ESRRG: variants seen among roughly 807,000 people sequenced by gnomAD.
ESRRG encodes estrogen related receptor gamma, also known as estrogen-related receptor gamma.
Under a neutral mutation model 44.0 loss-of-function variants are expected in ESRRG, and 13 were observed. The observed-to-expected ratio is 0.30, with a 90% CI of 0.19 to 0.47. The LOEUF is 0.47. Among genes scored for constraint, ESRRG ranks in the 20% least tolerant of loss-of-function variants. ESRRG has a pLI of 1.00. For synonymous variants in ESRRG, 215 were observed against 214.6 expected (o/e 1.00, Z -0.02); for missense variants, 395 against 580.6 (o/e 0.68, Z 3.29).
At chr1:216,543,547 T>C (rs2053516953) in intron 5 of ESRRG, among the ~76,000 whole-genome samples, 1 of 152,006 alleles carries the variant, frequency 6.6e-6, no homozygotes, top group Non-Finnish European at 1.5e-5. Flanking sequence ...GTTTAATTGT[T>C]GCCTCTTAGA....
intron 2 of ESRRG, among the ~76,000 whole-genome samples, chr1:216,876,066 TA>T (rs2096347254): frequency 6.6e-6 from 1 of 152,194 alleles, no homozygotes; most frequent in Admixed American, 6.5e-5. Context: ...GATTCCCTTC[TA>T]AACTGATAAA....
intron 1 of ESRRG, among the ~76,000 whole-genome samples, chr1:216,989,392 C>T (rs555889944): frequency 2.1e-5 from 3 of 144,614 alleles, no homozygotes; most frequent in African/African-American, 7.8e-5. Context: ...GTGATGTTGC[C>T]ACTGCACTCT....
intron 2 of ESRRG, among the ~76,000 whole-genome samples, chr1:216,829,817 G>T (rs2095457889): frequency 6.6e-6 from 1 of 152,106 alleles, no homozygotes; most frequent in Non-Finnish European, 1.5e-5. Context: ...GCCTCCCAAA[G>T]TGCTGGGATT....
At position 216,912,181 on chromosome 1, in the gene ESRRG, A is replaced by G. The variant is rs867965508; in HGVS notation, c.-14+27401T>C. Among the ~76,000 whole-genome samples the G allele has an allele frequency of 5.9e-3, 94 of 15,954 alleles. 6 individuals are homozygous for G. Among genetic ancestry groups the G allele is most frequent in the East Asian group, 9.8e-3 (5 of 508 alleles). The allele number at this position is 15,954 out of a possible 152,430, so 10.5% of individuals were successfully genotyped here. Reference sequence around the variant, plus strand: ...AAAAGAAAAGAAAAGAAAAGAAAAGAAAAGGAGAGGAGAGGAGAGGAGAGG... The same window carrying G: ...AAAAGAAAAGAAAAGAAAAGAAAAGGAAAGGAGAGGAGAGGAGAGGAGAGG... On this transcript the variant is annotated intron_variant, in intron 2 of 7. Transcript: ENST00000359162.
intron 2 of ESRRG, among the ~76,000 whole-genome samples, chr1:216,850,213 G>C (rs2148969939): frequency 6.6e-6 from 1 of 152,068 alleles, no homozygotes; most frequent in East Asian, 1.9e-4. Flanking sequence ...CACTCCTTTT[G>C]AATTATTTCT....
intron 2 of ESRRG, among the ~76,000 whole-genome samples, chr1:216,819,404 G>A (rs1401955590): frequency 5.3e-5 from 8 of 151,992 alleles, no homozygotes; most frequent in African/African-American, 1.9e-4. Flanking sequence ...TTTTTTAAGC[G>A]ACTTTCTTTT....
intron 1 of ESRRG, among the ~76,000 whole-genome samples, chr1:217,035,002 T>G (rs1236814508): frequency 6.6e-6 from 1 of 152,174 alleles, no homozygotes; most frequent in Non-Finnish European, 1.5e-5. Flanking sequence ...TAATTAAATG[T>G]CAAATCCCCC....
intron 1 of ESRRG, among the ~76,000 whole-genome samples, chr1:217,136,516 AG>A (rs1439265258): frequency 6.6e-6 from 1 of 152,114 alleles, no homozygotes; most frequent in Non-Finnish European, 1.5e-5. Context: ...CTGAGCTGCG[AG>A]ATAGCTCCGT....
intron 3 of ESRRG, among the ~76,000 whole-genome samples, chr1:216,645,766 G>C (rs1474490652): frequency 6.6e-6 from 1 of 150,904 alleles, no homozygotes; most frequent in African/African-American, 2.4e-5. Context: ...CAGCTACTCA[G>C]GAAGCTGAGA....
chr1:216,518,526 A>G (rs1226663690), intron 6 of ESRRG, among the ~76,000 whole-genome samples: 1 of 152,142 alleles, frequency 6.6e-6, no homozygotes, highest in Non-Finnish European at 1.5e-5. Flanking sequence ...TAAGACCATA[A>G]TAAAGCATTA....
At chr1:216,960,641 A>T (rs2818786) in intron 1 of ESRRG, among the ~76,000 whole-genome samples, 78,330 of 151,872 alleles carry the variant, frequency 0.52, 21,927 homozygotes, top group Middle Eastern at 0.7. Flanking sequence ...GCTGGAGTGC[A>T]GTGGTATAAT....
At chr1:217,135,241 C>T (rs920408836) in intron 1 of ESRRG, among the ~76,000 whole-genome samples, 8 of 152,126 alleles carry the variant, frequency 5.3e-5, no homozygotes, top group Admixed American at 5.2e-4. Flanking sequence ...TTTTCCCCCT[C>T]CTCACCCCCT....
chr1:216,764,826 G>A (rs1335502784), intron 2 of ESRRG, among the ~76,000 whole-genome samples: 1 of 152,084 alleles, frequency 6.6e-6, no homozygotes, highest in African/African-American at 2.4e-5. Context: ...TAATTGCAGG[G>A]GTAGGGGAAC....
intron 1 of ESRRG, among the ~76,000 whole-genome samples, chr1:217,103,521 G>T (rs1293529461): frequency 6.6e-6 from 1 of 151,706 alleles, no homozygotes; most frequent in Non-Finnish European, 1.5e-5. Context: ...GCCAAGCATG[G>T]TGGCATGTGC....
chr1:216,514,830 G>A (rs2043724866), intron 6 of ESRRG, among the ~76,000 whole-genome samples: 1 of 152,030 alleles, frequency 6.6e-6, no homozygotes, highest in African/African-American at 2.4e-5. Flanking sequence ...GCTTAAAAAA[G>A]GAAATGTCTA....
chr1:216,798,143 C>A (rs1276137897), intron 2 of ESRRG, among the ~76,000 whole-genome samples: 1 of 151,792 alleles, frequency 6.6e-6, no homozygotes, highest in Non-Finnish European at 1.5e-5. Context: ...TTTCTTTTTT[C>A]TTTTCTTTTC....
intron 2 of ESRRG, among the ~76,000 whole-genome samples, chr1:216,736,408 C>T (rs1264420080): frequency 1.3e-5 from 2 of 151,962 alleles, no homozygotes; most frequent in East Asian, 3.9e-4. Flanking sequence ...TGGTCTCGAT[C>T]TGCGGACCTC....
intron 1 of ESRRG, among the ~76,000 whole-genome samples, chr1:216,969,746 C>G (rs1211045179): frequency 6.6e-6 from 1 of 152,036 alleles, no homozygotes; most frequent in Non-Finnish European, 1.5e-5. Context: ...CCACCATGCC[C>G]GGCTAATTTT....
rs771693345 is a variant in ESRRG at position 216,677,182 on chromosome 1, C to T, written c.366G>A (p.Ser122=). ...PQTKCEYMLN[S]MPKRLCLVCG... ...ACACTAAACACAGTCTCTTGGGCAT[C>T]GAGTTGAGCATGTATTCACACTTGG... The change falls in exon 2 of 7, where the codon TCG becomes TCA. Residue 122 remains serine (S), a synonymous_variant. Transcript: ENST00000408911. 72 of 1,613,984 alleles carry T rather than the reference C, an allele frequency of 4.5e-5. No homozygotes were observed. Among genetic ancestry groups the T allele is most frequent in the Non-Finnish European group, 5.6e-5 (66 of 1,180,000 alleles).
Sources: gnomAD v4.1 joint callset for allele counts (sites outside exome capture counted in the v4.1 genomes callset) on GRCh38, gnomAD v4.1.1 for gene constraint, MANE v1.5 for transcripts, NCBI Gene and HGNC (gene_info 2026-07-23, HGNC 2026-07-21) for gene names.